The following NAA20 variants were observed in gnomAD, a reference collection of about 807,000 sequenced individuals.
NAA20 encodes N-alpha-acetyltransferase 20.
Under a neutral mutation model 23.8 loss-of-function variants are expected in NAA20, and 24 were observed. That is an observed-to-expected ratio of 1.01 (90% confidence interval 0.73 to 1.42). The LOEUF is 1.42. Among genes scored for constraint, NAA20 ranks in the 40% most tolerant of loss-of-function variants. NAA20 has a pLI of 0.00. For missense variants in NAA20, 166 were observed against 223.1 expected, an observed-to-expected ratio of 0.74 and a Z score of 1.63; for synonymous variants, 83 against 77.7, an observed-to-expected ratio of 1.07 and a Z score of -0.36.
chr20:20,032,383 CT>C (rs762520671), intron 4 of NAA20, 124 bp from the exon 5 acceptor site: 2 of 799,978 alleles, frequency 2.5e-6, no homozygotes, highest in Non-Finnish European at 3.7e-6. Context: ...CTACAAGGTC[CT>C]ATTACTACCA....
intron 3 of NAA20, 58 bp downstream of exon 3, chr20:20,025,825 A>C: frequency 1.8e-6 from 2 of 1,120,100 alleles, no homozygotes; most frequent in Non-Finnish European, 2.7e-6. Flanking sequence ...TATAGATTTC[A>C]ACTGATTGCT....
At position 20,026,783 on chromosome 20, in the gene NAA20, G is replaced by C; in HGVS notation, c.170-1G>C. ...AATGTGATTTTTGTTGTTGTTGGCA[G>C]TTATGGGTAAAGCAGAAGGCTCAGT... is the stretch of plus-strand genomic sequence containing the variant. On this transcript the variant is annotated splice_acceptor_variant, in intron 3 of 5. Coordinates refer to ENST00000334982, the MANE Select transcript of NAA20 (RefSeq NM_016100.5). LOFTEE classifies it high-confidence loss of function. The C allele has an allele frequency of 1.2e-6, 2 of 1,613,852 alleles. No homozygotes were observed. Among genetic ancestry groups the C allele is most frequent in the Non-Finnish European group, 1.7e-6 (2 of 1,179,742 alleles).
intron 1 of NAA20, among the ~76,000 whole-genome samples, chr20:20,020,515 G>C (rs1404790919): frequency 6.6e-6 from 1 of 152,234 alleles, no homozygotes; most frequent in East Asian, 1.9e-4. Context: ...TAACAGCAGA[G>C]AGTTAGAAGG....
At chr20:20,017,871 G>A in intron 1 of NAA20, 1 of 1,576,588 alleles carries the variant, frequency 6.3e-7, no homozygotes, top group Non-Finnish European at 8.6e-7. Flanking sequence ...TCTGGGCAGA[G>A]GGCACCGCCG....
At chr20:20,026,701 T>C in intron 3 of NAA20, 83 bp from the exon 4 acceptor site, 1 of 1,550,654 alleles carries the variant, frequency 6.4e-7, no homozygotes. Context: ...TCCTTTGTAA[T>C]AAAAACATAC....
chr20:20,023,800 A>T (rs1159944578), intron 2 of NAA20, among the ~76,000 whole-genome samples: 3 of 152,250 alleles, frequency 2.0e-5, no homozygotes, highest in South Asian at 4.1e-4. Flanking sequence ...TTAAAAAATG[A>T]TAAACCTCAG....
At chr20:20,017,847 C>G (rs1601121446) in intron 1 of NAA20, 2 of 1,530,466 alleles carry the variant, frequency 1.3e-6, no homozygotes, top group East Asian at 4.6e-5. Flanking sequence ...GGTTCGTGGC[C>G]GGGCCGCGCC....
At chr20:20,017,335 A>G, upstream of NAA20, 2 of 1,601,994 alleles carry the variant, frequency 1.2e-6, no homozygotes, top group Admixed American at 1.7e-5. Context: ...ACGCTCCGGG[A>G]GACTTCCGGC....
intron 1 of NAA20, 89 bp from the exon 2 acceptor site, chr20:20,022,367 G>T: frequency 7.7e-7 from 1 of 1,300,614 alleles, no homozygotes. Context: ...TGTTTTCCTT[G>T]TGGCATATTA....
At chr20:20,032,747 A>G (rs966163635) in intron 5 of NAA20, 94 bp downstream of exon 5, 6 of 1,397,908 alleles carry the variant, frequency 4.3e-6, no homozygotes, top group Non-Finnish European at 5.6e-6. Context: ...TAAATGTAGA[A>G]TATTTGACTT....
At chr20:20,032,370 C>G in intron 4 of NAA20, 138 bp from the exon 5 acceptor site, 1 of 635,758 alleles carries the variant, frequency 1.6e-6, no homozygotes, top group East Asian at 3.0e-5. Flanking sequence ...ACCATGTAAT[C>G]AGCTACAAGG....
At chr20:20,021,595 G>A (rs191563767) in intron 1 of NAA20, among the ~76,000 whole-genome samples, 4 of 152,258 alleles carry the variant, frequency 2.6e-5, no homozygotes, top group Non-Finnish European at 4.4e-5. Context: ...GATATTACGC[G>A]TATAAACAAA....
At chr20:20,017,527 C>T (rs2043239747) in intron 1 of NAA20, 78 bp downstream of exon 1, 1 of 1,529,378 alleles carries the variant, frequency 6.5e-7, no homozygotes, top group Admixed American at 2.0e-5. Context: ...GCCCCAGCCG[C>T]GCCTTCCCGG....
chr20:20,027,126 A>C (rs1306806666), intron 4 of NAA20, among the ~76,000 whole-genome samples: 1 of 152,142 alleles, frequency 6.6e-6, no homozygotes, highest in Admixed American at 6.5e-5. Context: ...TGTTGTAGTG[A>C]CCCGCTATAG....
chr20:20,026,610 A>G (rs1422968039), intron 3 of NAA20, among the ~76,000 whole-genome samples, 174 bp from the exon 4 acceptor site: 6 of 151,960 alleles, frequency 3.9e-5, no homozygotes, highest in Non-Finnish European at 8.8e-5. Flanking sequence ...ATAGTGTTAC[A>G]TTTACAAGTG....
At chr20:20,027,751 A>ATT (rs11367808) in intron 4 of NAA20, among the ~76,000 whole-genome samples, 10 of 139,802 alleles carry the variant, frequency 7.2e-5, no homozygotes, top group African/African-American at 7.7e-5. Context: ...CCAGCATGGC[A>ATT]TTTTTTTTTT....
intron 5 of NAA20, 51 bp from the exon 6 acceptor site, chr20:20,033,051 T>G: frequency 1.4e-6 from 2 of 1,387,602 alleles, no homozygotes; most frequent in Non-Finnish European, 2.0e-6. Flanking sequence ...CACTTTACAT[T>G]TGATATAATA....
chr20:20,021,234 G>T (rs2043266201), intron 1 of NAA20, among the ~76,000 whole-genome samples: 1 of 152,152 alleles, frequency 6.6e-6, no homozygotes, highest in South Asian at 2.1e-4. Flanking sequence ...CTCAAGGAGT[G>T]GGCCAGGGTT....
Position 20,033,229 on chromosome 20 carries a change from T to C in NAA20, c.*42T>C. On this transcript the variant is annotated 3_prime_UTR_variant, in exon 6 of 6. Transcript: ENST00000334982. ...TTAGGCAGATACTCTAGATGCTTTA[T>C]GGACAATATTATTTTCATTGGATGA... is the stretch of plus-strand genomic sequence containing the variant. The C allele has an allele frequency of 3.5e-6, 5 of 1,446,940 alleles. No homozygotes were observed. Among genetic ancestry groups the C allele is most frequent in the Non-Finnish European group, 4.8e-6 (5 of 1,033,134 alleles). The allele number at this position is 1,446,940 out of a possible 1,614,324, so 89.6% of individuals were successfully genotyped here.
Sources: allele counts gnomAD v4.1 joint callset (sites outside exome capture counted in the v4.1 genomes callset), GRCh38; gene constraint gnomAD v4.1.1; transcripts MANE v1.5; gene names NCBI Gene and HGNC (gene_info 2026-07-23, HGNC 2026-07-21).